Variants in DCLK1 observed in about 807,000 individuals in gnomAD.
The protein encoded by DCLK1 is doublecortin like kinase 1, also known as serine/threonine-protein kinase DCLK1.
DCLK1 carries 16 observed loss-of-function variants against 86.2 expected under a neutral mutation model. The observed-to-expected ratio is 0.19, with a 90% CI of 0.13 to 0.28. The LOEUF (loss-of-function observed/expected upper bound fraction) is 0.28, where lower values mean the gene tolerates loss of function less well. DCLK1 is among the 10% of genes least tolerant of loss of function. The pLI is 1.00. For missense variants in DCLK1, 590 were observed against 940.2 expected, an observed-to-expected ratio of 0.63 and a Z score of 4.87; for synonymous variants, 369 against 370.5, an observed-to-expected ratio of 1.00 and a Z score of 0.05.
At chr13:35,981,262 T>C (rs774519966) in intron 3 of DCLK1, among the ~76,000 whole-genome samples, 3 of 152,088 alleles carry the variant, frequency 2.0e-5, no homozygotes, top group African/African-American at 2.4e-5. Context: ...TCGCTTAGCA[T>C]AATGGCCTCA....
intron 4 of DCLK1, among the ~76,000 whole-genome samples, chr13:35,906,517 T>C (rs1874699994): frequency 2.0e-5 from 3 of 152,110 alleles, no homozygotes; most frequent in South Asian, 2.1e-4. Context: ...TTTTGATGGA[T>C]GGTAAAGAGC....
intron 3 of DCLK1, among the ~76,000 whole-genome samples, chr13:35,982,004 C>T (rs1291073089): frequency 1.3e-5 from 2 of 151,922 alleles, no homozygotes; most frequent in African/African-American, 4.8e-5. Context: ...GAGGTAGAAC[C>T]CTTCATTCAT....
chr13:35,847,913 A>T, intron 6 of DCLK1: 1 of 985,344 alleles, frequency 1.0e-6, no homozygotes, highest in Non-Finnish European at 1.2e-6. Context: ...TGATTAAACA[A>T]GACAAAAACA....
At chr13:35,965,258 T>G (rs1442388466) in intron 3 of DCLK1, among the ~76,000 whole-genome samples, 1 of 152,212 alleles carries the variant, frequency 6.6e-6, no homozygotes, top group Non-Finnish European at 1.5e-5. Flanking sequence ...AGAATATTCC[T>G]GTATATGTCA....
chr13:35,827,517 G>A (rs1336233352), intron 10 of DCLK1, 118 bp downstream of exon 10: 3 of 1,223,878 alleles, frequency 2.5e-6, no homozygotes, highest in Non-Finnish European at 3.4e-6. Flanking sequence ...TAATCACTGG[G>A]CCAATGTACA....
At chr13:35,955,754 C>T (rs1443598849) in intron 3 of DCLK1, among the ~76,000 whole-genome samples, 1 of 152,038 alleles carries the variant, frequency 6.6e-6, no homozygotes, top group Non-Finnish European at 1.5e-5. Context: ...CATGCAGGTT[C>T]GATGAGATAA....
intron 13 of DCLK1, 78 bp downstream of exon 13, chr13:35,808,926 CTGCAGGCTCCTTTG>C (rs1227698809): frequency 3.7e-6 from 4 of 1,077,948 alleles, no homozygotes; most frequent in Non-Finnish European, 5.3e-6. Context: ...TCTTTTCCTG[CTGCAGGCTCCTTTG>C]TGCAAGAAGG....
chr13:36,007,637 T>G (rs79243392), intron 3 of DCLK1, among the ~76,000 whole-genome samples: 3,596 of 152,332 alleles, frequency 0.024, 43 homozygotes, highest in South Asian at 0.058. Flanking sequence ...TTGAATATAT[T>G]CTATTCCCTA....
At chr13:36,128,243 A>G (rs1886255188) in intron 1 of DCLK1, among the ~76,000 whole-genome samples, 1 of 152,222 alleles carries the variant, frequency 6.6e-6, no homozygotes, top group Admixed American at 6.5e-5. Context: ...AACCAGTTGT[A>G]TAATATGCTA....
intron 3 of DCLK1, among the ~76,000 whole-genome samples, chr13:36,066,885 A>C (rs563770832): frequency 6.6e-6 from 1 of 150,756 alleles, no homozygotes; most frequent in Non-Finnish European, 1.5e-5. Context: ...TTAGAATGGC[A>C]ATCATTAAAA....
intron 15 of DCLK1, among the ~76,000 whole-genome samples, chr13:35,795,763 A>C (rs993560723): frequency 6.6e-6 from 1 of 152,114 alleles, no homozygotes; most frequent in African/African-American, 2.4e-5. Flanking sequence ...TCTACTAAAA[A>C]TACAAAATTA....
At chr13:35,886,640 C>G (rs916051034) in intron 4 of DCLK1, among the ~76,000 whole-genome samples, 2 of 151,980 alleles carry the variant, frequency 1.3e-5, no homozygotes, top group African/African-American at 4.8e-5. Context: ...CTAGGCTGCT[C>G]GTTGAAGAAA....
At chr13:35,811,954 C>T (rs2153103144) in intron 11 of DCLK1, among the ~76,000 whole-genome samples, 1 of 152,216 alleles carries the variant, frequency 6.6e-6, no homozygotes, top group Admixed American at 6.5e-5. Context: ...GATCTATTTA[C>T]ATTTCTTAAT....
chr13:36,113,369 T>C (rs180764800), intron 2 of DCLK1, among the ~76,000 whole-genome samples: 1 of 152,356 alleles, frequency 6.6e-6, no homozygotes, highest in Admixed American at 6.5e-5. Flanking sequence ...TGTGTATACA[T>C]ACACATTATG....
chr13:35,895,780 T>G (rs1210214526), intron 4 of DCLK1, among the ~76,000 whole-genome samples: 1 of 151,988 alleles, frequency 6.6e-6, no homozygotes, highest in Non-Finnish European at 1.5e-5. Context: ...TTGCCTATAC[T>G]CTATACAGTT....
chr13:36,077,494 C>T (rs1884254629), intron 3 of DCLK1, among the ~76,000 whole-genome samples: 1 of 152,088 alleles, frequency 6.6e-6, no homozygotes, highest in South Asian at 2.1e-4. Context: ...GAGCTGGAGA[C>T]AGGAAAGATG....
At chr13:35,912,121 C>G (rs1029014608) in intron 4 of DCLK1, among the ~76,000 whole-genome samples, 10 of 152,188 alleles carry the variant, frequency 6.6e-5, no homozygotes, top group Non-Finnish European at 1.3e-4. Flanking sequence ...CTTTCTGAAT[C>G]CTTCCTTGAA....
intron 3 of DCLK1, among the ~76,000 whole-genome samples, chr13:36,101,334 G>A (rs1487380057): frequency 6.6e-6 from 1 of 152,216 alleles, no homozygotes; most frequent in East Asian, 1.9e-4. Flanking sequence ...ACTGAGGCTA[G>A]ATTGCAGTGA....
At chr13:36,125,406 G>A (rs1886133701) in intron 2 of DCLK1, among the ~76,000 whole-genome samples, 1 of 152,102 alleles carries the variant, frequency 6.6e-6, no homozygotes, top group Non-Finnish European at 1.5e-5. Flanking sequence ...AGTACTTTCG[G>A]ATATCGTGAT....
Sources: gnomAD v4.1 joint callset for allele counts (sites outside exome capture counted in the v4.1 genomes callset) on GRCh38, gnomAD v4.1.1 for gene constraint, MANE v1.5 for transcripts, NCBI Gene and HGNC (gene_info 2026-07-23, HGNC 2026-07-21) for gene names.